The following SLC24A2 variants were observed in gnomAD, a reference collection of about 807,000 sequenced individuals.
The protein encoded by SLC24A2 is sodium/potassium/calcium exchanger 2.
A neutral mutation model predicts 62.0 loss-of-function variants in SLC24A2; 36 were observed. The ratio of observed to expected loss-of-function variants is 0.58; its 90% confidence interval spans 0.44 to 0.77. SLC24A2 has a LOEUF of 0.77. SLC24A2 is among the 30% of genes least tolerant of loss of function. The pLI is 0.00. For missense variants in SLC24A2, 846 were observed against 817.9 expected (o/e 1.03, Z -0.42); for synonymous variants, 358 against 294.0 (o/e 1.22, Z -2.23).
intron 2 of SLC24A2, among the ~76,000 whole-genome samples, chr9:19,698,419 A>G (rs1286791440): frequency 2.0e-5 from 3 of 152,190 alleles, no homozygotes; most frequent in Non-Finnish European, 4.4e-5. Flanking sequence ...CAAACAAAAA[A>G]ATCTGCAATC....
At chr9:20,181,010 G>A in the SLC24A2 span, among the ~76,000 whole-genome samples, 14,970 of 152,080 alleles carry the variant, frequency 0.098, 911 homozygotes, top group Non-Finnish European at 0.14. Flanking sequence ...AGCCCCTCCT[G>A]CCACCTTCAG....
At chr9:20,204,242 C>T in the SLC24A2 span, among the ~76,000 whole-genome samples, 1 of 152,286 alleles carries the variant, frequency 6.6e-6, no homozygotes, top group South Asian at 2.1e-4. Flanking sequence ...TGCTGAATGC[C>T]TGCTGGAAGA....
chr9:20,154,868 G>GTAGCCA, the SLC24A2 span, among the ~76,000 whole-genome samples: 1 of 151,680 alleles, frequency 6.6e-6, no homozygotes, highest in Admixed American at 6.6e-5. Context: ...CAAGATGGCT[G>GTAGCCA]TAGCCATTCC....
intron 2 of SLC24A2, among the ~76,000 whole-genome samples, chr9:19,678,786 T>G (rs1181548368): frequency 1.3e-5 from 2 of 152,234 alleles, no homozygotes; most frequent in African/African-American, 4.8e-5. Flanking sequence ...ACTGCCTATC[T>G]GAGAGACAAT....
the SLC24A2 span, among the ~76,000 whole-genome samples, chr9:20,285,164 C>A: frequency 0.5 from 75,548 of 151,960 alleles, 19,541 homozygotes; most frequent in African/African-American, 0.66. Context: ...TCCCTGTTAC[C>A]GACTGAATCA....
the SLC24A2 span, among the ~76,000 whole-genome samples, chr9:19,891,757 A>G: frequency 6.6e-6 from 1 of 152,254 alleles, no homozygotes; most frequent in South Asian, 2.1e-4. Context: ...AAAAAAACCA[A>G]TACAAATTAA....
intron 5 of SLC24A2, among the ~76,000 whole-genome samples, chr9:19,591,374 AG>A (rs1242048412): frequency 6.6e-6 from 1 of 152,214 alleles, no homozygotes; most frequent in Non-Finnish European, 1.5e-5. Flanking sequence ...CCTGTTGAGA[AG>A]AGACTGCAAG....
At chr9:19,750,649 A>T (rs1417027358) in intron 2 of SLC24A2, among the ~76,000 whole-genome samples, 1 of 151,968 alleles carries the variant, frequency 6.6e-6, no homozygotes, top group Non-Finnish European at 1.5e-5. Flanking sequence ...CAATTTTGAG[A>T]ATGTTTCTCT....
intron 2 of SLC24A2, among the ~76,000 whole-genome samples, chr9:19,744,586 C>T (rs1821778113): frequency 6.6e-6 from 1 of 152,128 alleles, no homozygotes; most frequent in Non-Finnish European, 1.5e-5. Context: ...CTGATGTTGT[C>T]ACATGGAAAG....
Position 19,520,945 on chromosome 9 carries a change from T to TC in SLC24A2, c.1684dup (p.Asp562GlyfsTer14). On this transcript the variant is annotated frameshift_variant, in exon 10 of 11. Transcript: ENST00000341998. LOFTEE classifies it high-confidence loss of function. ...TCCAACAGAGCTGGACACAGCCATG[T>TC]CCCCTAACCCCTTCCGGGCCACTAT... The TC allele has an allele frequency of 1.9e-6, 3 of 1,614,038 alleles. No individual in the cohort carries two copies. Among genetic ancestry groups the TC allele is most frequent in the Non-Finnish European group, 2.5e-6 (3 of 1,179,988 alleles).
At chr9:19,638,262 C>G (rs1173035663) in intron 2 of SLC24A2, among the ~76,000 whole-genome samples, 3 of 152,126 alleles carry the variant, frequency 2.0e-5, no homozygotes, top group African/African-American at 7.2e-5. Flanking sequence ...CATTGGAGAG[C>G]ACTGAGTTGG....
chr9:19,588,010 G>GTCTT (rs1836426317), intron 5 of SLC24A2, among the ~76,000 whole-genome samples: 2 of 152,148 alleles, frequency 1.3e-5, no homozygotes, highest in African/African-American at 4.8e-5. Context: ...AGCTGGTTTG[G>GTCTT]TCTTTCTAAC....
At chr9:20,000,987 G>A in the SLC24A2 span, among the ~76,000 whole-genome samples, 7 of 152,246 alleles carry the variant, frequency 4.6e-5, no homozygotes, top group East Asian at 1.4e-3. Context: ...ATATTATCTT[G>A]GTATCCAAGA....
intron 2 of SLC24A2, among the ~76,000 whole-genome samples, chr9:19,710,103 T>C (rs1564055936): frequency 6.6e-6 from 1 of 151,894 alleles, no homozygotes; most frequent in Non-Finnish European, 1.5e-5. Context: ...GAGAAGAGGG[T>C]ACAGAAGAAA....
chr9:19,927,940 G>A, the SLC24A2 span: 1 of 152,398 alleles, frequency 6.6e-6, no homozygotes, highest in East Asian at 1.9e-4. Context: ...CCACTTGTGA[G>A]CCTGTGTGCC....
chr9:20,258,358 T>G, the SLC24A2 span, among the ~76,000 whole-genome samples: 1 of 152,224 alleles, frequency 6.6e-6, no homozygotes, highest in Non-Finnish European at 1.5e-5. Context: ...TTAGAATGAT[T>G]GGGCTGCCCC....
the SLC24A2 span, among the ~76,000 whole-genome samples, chr9:20,011,303 T>G: frequency 5.9e-3 from 897 of 152,296 alleles, 15 homozygotes; most frequent in African/African-American, 0.021. Context: ...ATCACCATTC[T>G]AACTGGTGTG....
At chr9:20,064,362 GA>G in the SLC24A2 span, among the ~76,000 whole-genome samples, 1 of 152,180 alleles carries the variant, frequency 6.6e-6, no homozygotes, top group African/African-American at 2.4e-5. Flanking sequence ...GGAACTCAGG[GA>G]AAAGTTCTAA....
chr9:20,144,621 G>A, the SLC24A2 span, among the ~76,000 whole-genome samples: 1 of 152,150 alleles, frequency 6.6e-6, no homozygotes, highest in South Asian at 2.1e-4. Flanking sequence ...ATGGCAGAGG[G>A]TAGTGGGTGC....
Sources: gnomAD v4.1 joint callset for allele counts (sites outside exome capture counted in the v4.1 genomes callset) on GRCh38, gnomAD v4.1.1 for gene constraint, MANE v1.5 for transcripts, NCBI Gene and HGNC (gene_info 2026-07-23, HGNC 2026-07-21) for gene names.